The following LIFR variants were observed in gnomAD, a reference collection of about 807,000 sequenced individuals.
The protein encoded by LIFR is leukemia inhibitory factor receptor.
LIFR carries 84 observed loss-of-function variants against 122.2 expected under a neutral mutation model. The ratio of observed to expected loss-of-function variants is 0.69; its 90% confidence interval spans 0.58 to 0.82. The LOEUF is 0.82. Ranked by LOEUF, LIFR falls within the 40% of genes least tolerant of loss-of-function variation. The pLI, the probability that LIFR is intolerant of heterozygous loss-of-function variation, is 0.00. For missense variants in LIFR, 1,294 were observed against 1,311.6 expected (o/e 0.99, Z 0.21); for synonymous variants, 422 against 434.7 (o/e 0.97, Z 0.36).
At chr5:38,559,792 ACTT>A (rs1748763113), upstream of LIFR, among the ~76,000 whole-genome samples, 1 of 152,290 alleles carries the variant, frequency 6.6e-6, no homozygotes, top group African/African-American at 2.4e-5. Context: ...AGCAGAATTG[ACTT>A]CTTAGTTAAT....
intron 17 of LIFR, 35 bp from the exon 18 acceptor site, chr5:38,484,903 A>G: frequency 7.0e-7 from 1 of 1,422,838 alleles, no homozygotes; most frequent in Non-Finnish European, 9.9e-7. Flanking sequence ...TAAAATCGCC[A>G]TTTTTAGTGT....
At chr5:38,554,072 C>T (rs1346463968) in intron 1 of LIFR, among the ~76,000 whole-genome samples, 33 of 152,162 alleles carry the variant, frequency 2.2e-4, no homozygotes, top group Non-Finnish European at 1.9e-4. Flanking sequence ...AAACTACCCT[C>T]ATCTTCAATT....
At chr5:38,518,921 A>G (rs1286169660) in intron 5 of LIFR, among the ~76,000 whole-genome samples, 2 of 152,222 alleles carry the variant, frequency 1.3e-5, no homozygotes, top group African/African-American at 2.4e-5. Flanking sequence ...GGCCTAGGCT[A>G]ACGTGTGTGT....
rs148400320 is a variant in LIFR at position 38,602,660 on chromosome 5, T to C, written n.305+3545A>G. Among the ~76,000 whole-genome samples, 985 of 152,334 alleles carry C rather than the reference T, an allele frequency of 6.5e-3. 11 individuals carry two copies. The highest frequency in any genetic ancestry group is 0.023 in the African/African-American group (940 of 41,582). On this transcript the variant is annotated intron_variant and non_coding_transcript_variant, in intron 2 of 3. Coordinates refer to the LIFR transcript ENST00000507786. ...CTTATCTCATGATTTCACTCCCCTC[T>C]GCAGCTAGCACAATGCTTCTAAAAC... is the stretch of plus-strand genomic sequence containing the variant.
At chr5:38,569,060 C>T (rs1176458209) in intron 1 of LIFR, among the ~76,000 whole-genome samples, 3 of 152,176 alleles carry the variant, frequency 2.0e-5, no homozygotes, top group African/African-American at 7.2e-5. Context: ...TGGCAGCATT[C>T]CCAGTGACTT....
intron 1 of LIFR, among the ~76,000 whole-genome samples, chr5:38,549,821 T>C (rs1341910011): frequency 6.6e-6 from 1 of 152,158 alleles, no homozygotes; most frequent in South Asian, 2.1e-4. Context: ...CAAAAATTAT[T>C]TTTGCAAATT....
At chr5:38,595,161 A>G in intron 1 of LIFR, 1 of 168,632 alleles carries the variant, frequency 5.9e-6, no homozygotes, top group East Asian at 1.2e-4. Flanking sequence ...CACAACTGGT[A>G]TTAAAGCAGA....
rs148211870 is a variant in LIFR, at chr5:38,568,059, A to G, written c.-20+27202T>C. ...AAAACACACTTCTCCTATGACTCTC[A>G]TTTTCATTAACTTATGTACAAATTA... On this transcript the variant is annotated intron_variant, in intron 1 of 19. Transcript: ENST00000263409. Among the ~76,000 whole-genome samples the G allele has an allele frequency of 2.9e-3, 445 of 152,300 alleles. 6 individuals carry two copies. The highest frequency in any genetic ancestry group is 0.01 in the African/African-American group (421 of 41,562).
intron 6 of LIFR, 49 bp from the exon 7 acceptor site, chr5:38,510,767 C>T (rs758778356): frequency 4.7e-6 from 7 of 1,504,860 alleles, no homozygotes; most frequent in Admixed American, 3.5e-5. Context: ...AAGTATTTTA[C>T]ATAAACTTTT....
At chr5:38,599,466 G>A (rs776873606), upstream of LIFR, among the ~76,000 whole-genome samples, 1 of 152,128 alleles carries the variant, frequency 6.6e-6, no homozygotes, top group African/African-American at 2.4e-5. Context: ...CAGCGGGAAG[G>A]TCAGGACCCA....
In LIFR at chr5:38,578,207, C is replaced by CTTTTTTTTT. The variant is rs3079294; in HGVS notation, c.-20+17045_-20+17053dup. ...TTTCTTTTCTTTTCTTTTTCTTTTT[C>CTTTTTTTTT]TTTTTTTTTTTTTTTTGAGACAGAG... On this transcript the variant is annotated intron_variant, in intron 1 of 19. Coordinates refer to the LIFR transcript ENST00000263409. Among the ~76,000 whole-genome samples the CTTTTTTTTT allele has an allele frequency of 1.9e-3, 235 of 123,332 alleles. 1 individual carries two copies. Among genetic ancestry groups the CTTTTTTTTT allele is most frequent in the Middle Eastern group, 4.9e-3 (1 of 204 alleles). The allele number at this position is 123,332 out of a possible 152,430, so 80.9% of individuals were successfully genotyped here.
In LIFR at chr5:38,555,883, C is replaced by T. The variant is rs563165134; in HGVS notation, c.-20+451G>A. Reference sequence around the variant, plus strand: ...CTAACTTTGACCTCCAACACTTTAACTTTGGGTTTAACCAGTACACCACCT... The same window carrying T: ...CTAACTTTGACCTCCAACACTTTAATTTTGGGTTTAACCAGTACACCACCT... On this transcript the variant is annotated intron_variant, in intron 1 of 19. Coordinates refer to ENST00000453190, the MANE Select transcript of LIFR (RefSeq NM_001127671.2). 2.0e-5 allele frequency among the ~76,000 whole-genome samples: 3 copies of T among 152,260 alleles called. No homozygotes were observed. In the South Asian group the frequency reaches 6.2e-4, roughly 32 times the overall value.
At position 38,523,410 on chromosome 5, in the gene LIFR, C is replaced by A; in HGVS notation, c.561+9G>T. Reference sequence around the variant, plus strand: ...ATGTCATAGGAAGAAAATCTATGTTCAAACTTACTAATTTTACGAGCTCCA... The same window carrying A: ...ATGTCATAGGAAGAAAATCTATGTTAAAACTTACTAATTTTACGAGCTCCA... On this transcript the variant is annotated intron_variant, in intron 5 of 19. Transcript: ENST00000453190. The A allele has an allele frequency of 6.2e-7, 1 of 1,605,104 alleles. No individual in the cohort carries two copies. The highest frequency in any genetic ancestry group is 1.1e-5 in the South Asian group (1 of 89,962).
At chr5:38,544,046 C>T (rs938893421) in intron 1 of LIFR, among the ~76,000 whole-genome samples, 8 of 152,076 alleles carry the variant, frequency 5.3e-5, no homozygotes. Flanking sequence ...CCCTATCGGC[C>T]TCTACCCACT....
At chr5:38,499,664 T>C (rs750057665) in intron 11 of LIFR, 81 bp from the exon 12 acceptor site, 26 of 958,410 alleles carry the variant, frequency 2.7e-5, no homozygotes, top group Non-Finnish European at 4.2e-5. Flanking sequence ...TCTAGGATGT[T>C]TGGAATTCTC....
At chr5:38,482,279 C>G (rs1021460872) in intron 19 of LIFR, 61 bp from the exon 20 acceptor site, 49 of 1,514,408 alleles carry the variant, frequency 3.2e-5, no homozygotes, top group Non-Finnish European at 4.1e-5. Context: ...CAATGCTCCT[C>G]CTATAAAAAG....
rs1744890324 is a variant in LIFR at position 38,496,566 on chromosome 5, T to C, written c.1701A>G (p.Lys567=). The change falls in exon 13 of 20, where the codon AAA becomes AAG. Residue 567 remains lysine, a synonymous_variant. Coordinates refer to ENST00000453190, the MANE Select transcript of LIFR (RefSeq NM_001127671.2). ...KPLPINEANG[K]ILSYNVSCSS... is the part of the protein sequence containing the mutation. Reference sequence around the variant, plus strand: ...AACACGATACATTGTAGGAAAGTATTTTTCCATTAGCTTCATTAATGGGTA... The same window carrying C: ...AACACGATACATTGTAGGAAAGTATCTTTCCATTAGCTTCATTAATGGGTA... The C allele has an allele frequency of 6.2e-7, 1 of 1,613,598 alleles. No individual in the cohort carries two copies. Among genetic ancestry groups the C allele is most frequent in the Non-Finnish European group, 8.5e-7 (1 of 1,179,496 alleles).
rs189817070 is a variant in LIFR at position 38,515,460 on chromosome 5, A to G, written c.562-3496T>C. On this transcript the variant is annotated intron_variant, in intron 5 of 19. Coordinates refer to ENST00000453190, the MANE Select transcript of LIFR (RefSeq NM_001127671.2). ...ATGAAGCAGAGAAATAAACACAAAAAAACAAGATAATATAAGGAGTGTACA... is the reference window on the plus strand; with the variant it reads ...ATGAAGCAGAGAAATAAACACAAAAGAACAAGATAATATAAGGAGTGTACA... 7.0e-3 allele frequency among the ~76,000 whole-genome samples: 1,071 copies of G among 152,320 alleles called. 6 individuals carry two copies. The highest frequency in any genetic ancestry group is 0.012 in the Non-Finnish European group (836 of 68,020).
At chr5:38,560,703 T>C (rs942699175), upstream of LIFR, among the ~76,000 whole-genome samples, 3 of 151,884 alleles carry the variant, frequency 2.0e-5, no homozygotes, top group African/African-American at 7.3e-5. Context: ...TGCAAGCAAT[T>C]ATCTGCCTCA....
Sources: gnomAD v4.1 joint callset for allele counts (sites outside exome capture counted in the v4.1 genomes callset) on GRCh38, gnomAD v4.1.1 for gene constraint, MANE v1.5 for transcripts, NCBI Gene and HGNC (gene_info 2026-07-23, HGNC 2026-07-21) for gene names.